WARS2: variants seen among roughly 807,000 people sequenced by gnomAD.
WARS2 encodes the protein tryptophan--tRNA ligase, mitochondrial.
A neutral mutation model predicts 36.5 loss-of-function variants in WARS2; 28 were observed. The ratio of observed to expected loss-of-function variants is 0.77; its 90% CI spans 0.57 to 1.05. The LOEUF is 1.05. Among genes scored for constraint, WARS2 ranks in the 50% least tolerant of loss-of-function variants. The probability of loss-of-function intolerance (pLI) is 0.00; values close to 1 mark genes in which losing one functional copy is unlikely to be tolerated. For synonymous variants in WARS2, 174 were observed against 178.4 expected, an observed-to-expected ratio of 0.98 and a Z score of 0.20; for missense variants, 435 against 456.8, an observed-to-expected ratio of 0.95 and a Z score of 0.44.
chr1:119,082,719 T>C (rs1047827613), intron 1 of WARS2, among the ~76,000 whole-genome samples: 2 of 151,922 alleles, frequency 1.3e-5, no homozygotes, highest in Non-Finnish European at 2.9e-5. Flanking sequence ...GCCAAGGGCA[T>C]ACAACTAGTG....
At chr1:119,135,741 GATAGAT>G (rs1557763813) in intron 1 of WARS2, among the ~76,000 whole-genome samples, 30 of 116,288 alleles carry the variant, frequency 2.6e-4, no homozygotes, top group Admixed American at 6.3e-4. Context: ...TAGATAGATA[GATAGAT>G]AGATAGAGAG....
In WARS2 at chr1:119,045,575, C is replaced by T. The variant is rs750692351; in HGVS notation, c.429+7G>A. On this transcript the variant is annotated splice_region_variant and intron_variant, in intron 3 of 5. Transcript: ENST00000235521. ...GTCTGTTTATTAATCAGATTACTGG[C>T]ATTTACCTTCCACTGATGTAAATGT... The T allele has an allele frequency of 1.3e-6, 2 of 1,585,232 alleles. No homozygotes were observed. Among genetic ancestry groups the T allele is most frequent in the South Asian group, 2.3e-5 (2 of 87,846 alleles).
chr1:119,066,205 C>T lies in WARS2; in HGVS notation c.348+10145G>A, dbSNP rs139773995. Among the ~76,000 whole-genome samples the T allele has an allele frequency of 1.4e-3, 219 of 152,138 alleles. 2 individuals carry two copies. The highest frequency in any genetic ancestry group is 6.8e-3 in the Middle Eastern group (2 of 294). On this transcript the variant is annotated intron_variant, in intron 2 of 5. Transcript: ENST00000235521. Reference sequence around the variant, plus strand: ...AAAAGACAAGCTACAAGGCTGGGTGCGGTGGCTCACGCCTGTAATCCCAGC... The same window carrying T: ...AAAAGACAAGCTACAAGGCTGGGTGTGGTGGCTCACGCCTGTAATCCCAGC...
intron 1 of WARS2, among the ~76,000 whole-genome samples, chr1:119,097,357 G>A (rs919193998): frequency 5.9e-5 from 9 of 152,004 alleles, no homozygotes; most frequent in Non-Finnish European, 8.8e-5. Context: ...CCACCCCACC[G>A]GCACTACTGG....
At chr1:119,082,226 A>G (rs1247444128) in intron 1 of WARS2, 1 of 975,508 alleles carries the variant, frequency 1.0e-6, no homozygotes, top group Non-Finnish European at 1.2e-6. Context: ...GTTCAGTAAA[A>G]GAGTTTAAAA....
chr1:119,056,011 C>CTTTT (rs35376461), intron 2 of WARS2, among the ~76,000 whole-genome samples: 2 of 127,220 alleles, frequency 1.6e-5, no homozygotes, highest in Admixed American at 8.1e-5. Flanking sequence ...CATACCATAA[C>CTTTT]TTTTTTTTTT....
intron 1 of WARS2, among the ~76,000 whole-genome samples, chr1:119,138,165 T>G (rs1004788759): frequency 6.6e-6 from 1 of 152,206 alleles, no homozygotes; most frequent in Non-Finnish European, 1.5e-5. Context: ...GGTTATGAGA[T>G]ATCATAAAAA....
At chr1:119,114,467 A>C (rs761661472) in intron 1 of WARS2, among the ~76,000 whole-genome samples, 1 of 152,192 alleles carries the variant, frequency 6.6e-6, no homozygotes, top group Non-Finnish European at 1.5e-5. Flanking sequence ...AAAGTCCCTA[A>C]ATGAGGAGAA....
At chr1:119,087,264 A>C (rs185221581) in intron 1 of WARS2, among the ~76,000 whole-genome samples, 6 of 152,270 alleles carry the variant, frequency 3.9e-5, no homozygotes, top group Non-Finnish European at 7.4e-5. Context: ...AGTAAATAGC[A>C]CAGTGCCAGG....
intron 1 of WARS2, among the ~76,000 whole-genome samples, chr1:119,102,457 G>A (rs1322431222): frequency 1.3e-5 from 2 of 152,110 alleles, no homozygotes; most frequent in Non-Finnish European, 2.9e-5. Flanking sequence ...TCACAGAAAG[G>A]GGTCCCTCTA....
At chr1:119,090,385 G>A (rs1443134340) in intron 1 of WARS2, among the ~76,000 whole-genome samples, 1 of 152,084 alleles carries the variant, frequency 6.6e-6, no homozygotes, top group Non-Finnish European at 1.5e-5. Context: ...TGTAAAATGG[G>A]AGGAATGACA....
At chr1:119,076,867 T>C (rs587611616) in intron 1 of WARS2, among the ~76,000 whole-genome samples, 62 of 152,030 alleles carry the variant, frequency 4.1e-4, no homozygotes, top group African/African-American at 1.5e-3. Flanking sequence ...CAGCCGGGCG[T>C]GGTGGCTCGT....
chr1:119,073,923 T>C (rs887469707), intron 2 of WARS2, among the ~76,000 whole-genome samples: 1 of 152,224 alleles, frequency 6.6e-6, no homozygotes, highest in African/African-American at 2.4e-5. Flanking sequence ...AGGATGTAGT[T>C]GTAAATAAGC....
At chr1:119,083,792 CATAA>C (rs1375193579) in intron 1 of WARS2, among the ~76,000 whole-genome samples, 1 of 152,172 alleles carries the variant, frequency 6.6e-6, no homozygotes, top group Middle Eastern at 3.4e-3. Flanking sequence ...CTAAACATGA[CATAA>C]ATAATTAGAA....
chr1:119,106,935 G>T (rs1654280712), intron 1 of WARS2, among the ~76,000 whole-genome samples: 1 of 152,300 alleles, frequency 6.6e-6, no homozygotes, highest in East Asian at 1.9e-4. Flanking sequence ...ATCTGTGAAT[G>T]AAAGTTCTTG....
At chr1:119,085,945 A>C in intron 1 of WARS2, 1 of 1,610,358 alleles carries the variant, frequency 6.2e-7, no homozygotes, top group Non-Finnish European at 8.5e-7. Flanking sequence ...ACCTTAGTTA[A>C]AGGGTTCATC....
At chr1:119,125,625 C>G (rs1033340546) in intron 1 of WARS2, among the ~76,000 whole-genome samples, 1 of 152,178 alleles carries the variant, frequency 6.6e-6, no homozygotes, top group Admixed American at 6.5e-5. Flanking sequence ...TGAACAGGGT[C>G]TTTTAATCAT....
intron 1 of WARS2, chr1:119,085,715 A>T: frequency 6.5e-7 from 1 of 1,537,722 alleles, no homozygotes; most frequent in Non-Finnish European, 9.0e-7. Context: ...AGCAGAGGAA[A>T]CAGAATCCTT....
chr1:119,054,374 C>T (rs1454507188), intron 2 of WARS2, among the ~76,000 whole-genome samples: 1 of 151,652 alleles, frequency 6.6e-6, no homozygotes, highest in African/African-American at 2.4e-5. Context: ...AGGATGGCTG[C>T]CATATATATA....
Sources: allele counts gnomAD v4.1 joint callset (sites outside exome capture counted in the v4.1 genomes callset), GRCh38; gene constraint gnomAD v4.1.1; transcripts MANE v1.5; gene names NCBI Gene and HGNC (gene_info 2026-07-23, HGNC 2026-07-21).